Variants in SLC25A27 observed in about 807,000 individuals in gnomAD.
The protein encoded by SLC25A27 is solute carrier family 25 member 27.
SLC25A27 carries 35 observed loss-of-function variants against 49.1 expected under a neutral mutation model. That is an observed-to-expected ratio of 0.71 (90% confidence interval 0.54 to 0.95). The LOEUF (loss-of-function observed/expected upper bound fraction) is 0.95, where lower values mean the gene tolerates loss of function less well. SLC25A27 is among the 40% of genes least tolerant of loss of function. SLC25A27 has a pLI of 0.00. For missense variants in SLC25A27, 339 were observed against 397.1 expected (o/e 0.85, Z 1.24); for synonymous variants, 144 against 136.9 (o/e 1.05, Z -0.36).
At chr6:46,659,813 C>G (rs1012154745) in intron 3 of SLC25A27, among the ~76,000 whole-genome samples, 4 of 151,588 alleles carry the variant, frequency 2.6e-5, no homozygotes, top group African/African-American at 9.7e-5. Context: ...CGAGATTGCA[C>G]TGTTGCATTC....
rs188067366 is a variant in SLC25A27, at chr6:46,674,874, A to G, written c.901-1509A>G. Among the ~76,000 whole-genome samples the G allele has an allele frequency of 3.9e-5, 6 of 152,198 alleles. 1 individual carries two copies. Among genetic ancestry groups the G allele is most frequent in the Admixed American group, 3.3e-4 (5 of 15,284 alleles). ...ACCCAAGAGAGCTCTTATATGTTCA[A>G]CTCCACAGTAGCAGGCATGAAAAGG... is the stretch of plus-strand genomic sequence containing the variant. On this transcript the variant is annotated intron_variant, in intron 8 of 8. Transcript: ENST00000371347.
Position 46,655,762 on chromosome 6 carries a change from A to T in SLC25A27, c.107-81A>T. 4 of 1,208,850 alleles carry T rather than the reference A, an allele frequency of 3.3e-6. No homozygotes were observed. The South Asian group carries it at 5.4e-5, about 16-fold the overall frequency. 74.9% of individuals were successfully genotyped at this position (1,208,850 alleles called of 1,614,324 possible). A position where few individuals can be genotyped will look rare whatever the true frequency, so the allele number is the denominator to read the frequency against. The stretch of plus-strand genomic sequence containing the variant: ...AATTTGAGAACAACCAGTCTTGGGA[A>T]AATATTACTCCTATGATTTTAGATT... On this transcript the variant is annotated intron_variant, in intron 1 of 8. Coordinates refer to ENST00000371347, the MANE Select transcript of SLC25A27 (RefSeq NM_004277.5).
intron 5 of SLC25A27, among the ~76,000 whole-genome samples, chr6:46,667,314 G>A (rs1278071666): frequency 6.6e-6 from 1 of 152,052 alleles, no homozygotes; most frequent in Non-Finnish European, 1.5e-5. Flanking sequence ...CCTAATTCAA[G>A]TCGTCATCAT....
At chr6:46,659,156 AAAT>A in intron 3 of SLC25A27, 110 bp downstream of exon 3, 1 of 712,466 alleles carries the variant, frequency 1.4e-6, no homozygotes, top group Non-Finnish European at 2.5e-6. Context: ...TATGGACTTA[AAAT>A]AATAATTACA....
intron 8 of SLC25A27, 70 bp from the exon 9 acceptor site, chr6:46,676,313 T>C (rs1358746334): frequency 7.2e-7 from 1 of 1,392,096 alleles, no homozygotes. Context: ...TTCAAATATA[T>C]GTATGCACAT....
intron 4 of SLC25A27, 146 bp from the exon 5 acceptor site, chr6:46,664,628 G>T: frequency 4.3e-6 from 2 of 460,526 alleles, no homozygotes; most frequent in Non-Finnish European, 3.8e-6. Context: ...GACTTGCATA[G>T]ATTGCTTCAT....
In SLC25A27 at chr6:46,655,907, G is replaced by C. The variant is rs1248643779; in HGVS notation, c.171G>C (p.Arg57=). ...TGCAAGGAGAAGCAGCTCTTGCTCG[G>C]TTGGGAGACGGTGCAAGAGAATCTG... is the stretch of plus-strand genomic sequence containing the variant. ...LQMQGEAALA[R]LGDGARESAP... Residue 57 remains arginine, a synonymous_variant, in exon 2 of 9, where the codon CGG becomes CGC. Transcript: ENST00000371347. 4.1e-5 allele frequency: 66 copies of C among 1,613,810 alleles called. No homozygotes were observed. Among genetic ancestry groups the C allele is most frequent in the Non-Finnish European group, 5.3e-5 (63 of 1,179,960 alleles).
chr6:46,658,511 T>C, intron 2 of SLC25A27: 1 of 450,514 alleles, frequency 2.2e-6, no homozygotes, highest in Non-Finnish European at 4.4e-6. Flanking sequence ...TTAATGAAAA[T>C]GCCTGCTGCG....
Position 46,664,890 on chromosome 6 carries a change from A to G in SLC25A27, c.619+4A>G. 1 of 1,509,870 alleles carries G rather than the reference A, an allele frequency of 6.6e-7. No individual in the cohort carries two copies. The highest frequency in any genetic ancestry group is 9.0e-7 in the Non-Finnish European group (1 of 1,110,836). The allele number at this position is 1,509,870 out of a possible 1,614,324, so 93.5% of individuals were successfully genotyped here. On this transcript the variant is annotated splice_donor_region_variant and intron_variant, in intron 5 of 8. Transcript: ENST00000371347. ...GCAGCACTGGTGAATATGGGAGGTA[A>G]TGAAAACTTTGTTAAATTCTAAAAA...
In SLC25A27 at chr6:46,676,051, T is replaced by C. The variant is rs543183761; in HGVS notation, c.901-332T>C. Among the ~76,000 whole-genome samples the C allele has an allele frequency of 3.9e-5, 6 of 152,260 alleles. No homozygotes were observed. The South Asian group carries it at 1.2e-3, about 32-fold the overall frequency. On this transcript the variant is annotated intron_variant, in intron 8 of 8. Coordinates refer to ENST00000371347, the MANE Select transcript of SLC25A27 (RefSeq NM_004277.5). ...CCAGTAATGGTTCAATAAAAAGAAC[T>C]CTGAGAATGGAAAACAGAAGCCTGT...
Position 46,676,493 on chromosome 6 carries a change from TATTATTGAAATATGGGC to T in SLC25A27, c.*42_*58del. Reference sequence around the variant, plus strand: ...CAACCCTTAAAGATACAGTGTTCAGTATTATTGAAATATGGGCATCTGCAACACATACCCCCTATTAT... The same window carrying T: ...CAACCCTTAAAGATACAGTGTTCAGTATCTGCAACACATACCCCCTATTAT... On this transcript the variant is annotated 3_prime_UTR_variant, in exon 9 of 9. Transcript: ENST00000371347. 3 of 1,612,726 alleles carry T rather than the reference TATTATTGAAATATGGGC, an allele frequency of 1.9e-6. No homozygotes were observed.
At chr6:46,659,594 C>T (rs970481787) in intron 3 of SLC25A27, among the ~76,000 whole-genome samples, 1 of 152,290 alleles carries the variant, frequency 6.6e-6, no homozygotes, top group East Asian at 1.9e-4. Context: ...TGGCTCACGC[C>T]TGTAATCCCA....
At chr6:46,655,531 GTTTGTTTTTTTTT>G (rs1762943949) in intron 1 of SLC25A27, among the ~76,000 whole-genome samples, 2 of 98,548 alleles carry the variant, frequency 2.0e-5, no homozygotes, top group African/African-American at 7.4e-5. Flanking sequence ...TATTGTTAAT[GTTTGTTTTTTTTT>G]TTTTTTTTTT....
chr6:46,667,599 T>C (rs1763365025), intron 5 of SLC25A27, among the ~76,000 whole-genome samples: 2 of 152,220 alleles, frequency 1.3e-5, no homozygotes. Context: ...TTAGAAAACA[T>C]ACTGTATTTT....
chr6:46,655,544 T>G (rs1217348218), intron 1 of SLC25A27, among the ~76,000 whole-genome samples: 4 of 30,112 alleles, frequency 1.3e-4, no homozygotes, highest in Admixed American at 5.3e-4. Context: ...TGTTTTTTTT[T>G]TTTTTTTTTT....
At chr6:46,670,256 G>T (rs763023464) in intron 7 of SLC25A27, 29 bp downstream of exon 7, 1 of 1,376,000 alleles carries the variant, frequency 7.3e-7, no homozygotes, top group Non-Finnish European at 1.0e-6. Flanking sequence ...GTATCCATGT[G>T]CTTGAATATC....
intron 7 of SLC25A27, 129 bp downstream of exon 7, chr6:46,670,356 T>A (rs1763483829): frequency 1.5e-6 from 1 of 648,584 alleles, no homozygotes; most frequent in African/African-American, 1.9e-5. Flanking sequence ...TGAGCGCATT[T>A]TTTTTATGCA....
At chr6:46,668,850 T>G in intron 6 of SLC25A27, 57 bp downstream of exon 6, 1 of 992,002 alleles carries the variant, frequency 1.0e-6, no homozygotes, top group South Asian at 1.4e-5. Context: ...TTTTCTTCCA[T>G]ATTTGACATA....
intron 7 of SLC25A27, chr6:46,670,456 G>A (rs1029056495): frequency 1.1e-5 from 5 of 454,698 alleles, no homozygotes; most frequent in African/African-American, 8.3e-5. Flanking sequence ...TTTTTATTAT[G>A]ACTTTATTGT....
Sources: allele counts gnomAD v4.1 joint callset (sites outside exome capture counted in the v4.1 genomes callset), GRCh38; gene constraint gnomAD v4.1.1; transcripts MANE v1.5; gene names NCBI Gene and HGNC (gene_info 2026-07-23, HGNC 2026-07-21).